Variants in TESK2 observed in about 807,000 individuals in gnomAD.
TESK2 encodes the protein testis associated actin remodelling kinase 2, also known as dual specificity testis-specific protein kinase 2.
Under a neutral mutation model 57.1 loss-of-function variants are expected in TESK2, and 39 were observed. The ratio of observed to expected loss-of-function variants is 0.68; its 90% CI spans 0.53 to 0.89. The LOEUF (loss-of-function observed/expected upper bound fraction) is 0.89. TESK2 is among the 40% of genes least tolerant of loss of function. TESK2 has a pLI of 0.00. For missense variants in TESK2, 646 were observed against 732.1 expected (o/e 0.88, Z 1.36); for synonymous variants, 249 against 267.9 (o/e 0.93, Z 0.69).
chr1:45,403,233 GAA>G (rs11424640), intron 3 of TESK2, among the ~76,000 whole-genome samples: 9 of 128,100 alleles, frequency 7.0e-5, no homozygotes, highest in Admixed American at 8.3e-5. Context: ...GCCGTGATGG[GAA>G]AAAAAAAAAA....
chr1:45,455,044 T>C (rs1184258627), intron 2 of TESK2, among the ~76,000 whole-genome samples: 4 of 152,090 alleles, frequency 2.6e-5, no homozygotes, highest in Non-Finnish European at 4.4e-5. Context: ...GACAGAAATA[T>C]AGTTATAATT....
At chr1:45,460,767 A>G (rs1303565355) in intron 1 of TESK2, among the ~76,000 whole-genome samples, 1 of 152,132 alleles carries the variant, frequency 6.6e-6, no homozygotes, top group Non-Finnish European at 1.5e-5. Context: ...TCACTAAAAA[A>G]ATAATAATAA....
chr1:45,434,486 C>A (rs1232392655), intron 2 of TESK2, among the ~76,000 whole-genome samples: 1 of 146,688 alleles, frequency 6.8e-6, no homozygotes, highest in Non-Finnish European at 1.5e-5. Context: ...GAGATGGGGT[C>A]TTTTTGTCTT....
At chr1:45,397,034 G>T (rs574869043) in intron 3 of TESK2, among the ~76,000 whole-genome samples, 40 of 151,554 alleles carry the variant, frequency 2.6e-4, no homozygotes, top group Admixed American at 4.0e-4. Flanking sequence ...GGCCAGGCGG[G>T]TCTCAAACTC....
At position 45,360,998 on chromosome 1, in the gene TESK2, A is replaced by G. The variant is rs888038841; in HGVS notation, c.394-5549T>C. On this transcript the variant is annotated intron_variant, in intron 4 of 10. Coordinates refer to ENST00000372086, the MANE Select transcript of TESK2 (RefSeq NM_007170.3). ...CACCCAGCTAATTTTTGTATTTTTT[A>G]GTAGAGACAGGGTTTTCCCATGTTG... 2.0e-5 allele frequency among the ~76,000 whole-genome samples: 3 copies of G among 152,106 alleles called. No homozygotes were observed. In the South Asian group the frequency reaches 6.2e-4, roughly 32 times the overall value.
chr1:45,417,198 G>T (rs1240218515), intron 3 of TESK2, among the ~76,000 whole-genome samples: 1 of 151,986 alleles, frequency 6.6e-6, no homozygotes, highest in Non-Finnish European at 1.5e-5. Context: ...CATCCTCCAG[G>T]TTCATCCAAG....
In TESK2 at chr1:45,359,736, C is replaced by T. The variant is rs139714753; in HGVS notation, c.394-4287G>A. On this transcript the variant is annotated intron_variant, in intron 4 of 10. Coordinates refer to ENST00000372086, the MANE Select transcript of TESK2 (RefSeq NM_007170.3). The stretch of plus-strand genomic sequence containing the variant: ...AAAATAAGCAGGGCATGGTGGCAGA[C>T]GACTGTGATCCCAGCTACTTGGGAG... 8.4e-4 allele frequency among the ~76,000 whole-genome samples: 126 copies of T among 150,890 alleles called. 1 individual carries two copies. In the East Asian group the frequency reaches 0.012, roughly 14 times the overall value.
At chr1:45,410,669 T>C (rs1650004344) in intron 3 of TESK2, among the ~76,000 whole-genome samples, 2 of 152,246 alleles carry the variant, frequency 1.3e-5, no homozygotes, top group South Asian at 2.1e-4. Context: ...CACATCCACA[T>C]TCACTCACCC....
In TESK2 at chr1:45,346,692, C is replaced by A. The variant is rs200294172; in HGVS notation, c.879+1G>T. 1.2e-6 allele frequency: 2 copies of A among 1,612,452 alleles called. No individual in the cohort carries two copies. The highest frequency in any genetic ancestry group is 1.7e-6 in the Non-Finnish European group (2 of 1,179,244). On this transcript the variant is annotated splice_donor_variant, in intron 9 of 10. Transcript: ENST00000372086. LOFTEE classifies it high-confidence loss of function. The stretch of plus-strand genomic sequence containing the variant: ...AAAGGCAGAGGGAGAAAGACACTCA[C>A]GTTACAGCAGTTGAAAGTAAGTTGC...
At chr1:45,431,704 G>A (rs944364934) in intron 2 of TESK2, among the ~76,000 whole-genome samples, 3 of 152,168 alleles carry the variant, frequency 2.0e-5, no homozygotes, top group African/African-American at 4.8e-5. Context: ...AGGGGTCAGA[G>A]AAGGATTCCC....
chr1:45,407,681 C>A (rs912684397), intron 3 of TESK2, among the ~76,000 whole-genome samples: 2 of 152,140 alleles, frequency 1.3e-5, no homozygotes, highest in Non-Finnish European at 1.5e-5. Context: ...TGTTCTCTTG[C>A]CTGCAGCCAT....
At chr1:45,450,868 C>T (rs1231654140) in intron 2 of TESK2, among the ~76,000 whole-genome samples, 1 of 151,694 alleles carries the variant, frequency 6.6e-6, no homozygotes, top group Non-Finnish European at 1.5e-5. Flanking sequence ...TGTTGGTGTG[C>T]TGTTGCCTAG....
chr1:45,411,640 C>T (rs555719377), intron 3 of TESK2, among the ~76,000 whole-genome samples: 145 of 152,246 alleles, frequency 9.5e-4, no homozygotes, highest in African/African-American at 3.2e-3. Context: ...ACTCAGCGCA[C>T]AAGGACTTTT....
At chr1:45,373,043 A>AG (rs1429779961) in intron 4 of TESK2, among the ~76,000 whole-genome samples, 13 of 151,836 alleles carry the variant, frequency 8.6e-5, no homozygotes, top group African/African-American at 2.7e-4. Flanking sequence ...AAAAAAAAAA[A>AG]AAAAGAAAAG....
At chr1:45,397,131 ACT>A (rs1332071146) in intron 3 of TESK2, among the ~76,000 whole-genome samples, 1 of 152,004 alleles carries the variant, frequency 6.6e-6, no homozygotes, top group Non-Finnish European at 1.5e-5. Flanking sequence ...GTATCAGCTA[ACT>A]CTTAATGAGC....
intron 2 of TESK2, among the ~76,000 whole-genome samples, chr1:45,429,046 C>A (rs961720399): frequency 2.0e-5 from 3 of 151,960 alleles, no homozygotes; most frequent in Non-Finnish European, 4.4e-5. Context: ...TGGTCTCGAT[C>A]TCCTGACCTC....
intron 4 of TESK2, among the ~76,000 whole-genome samples, chr1:45,366,530 C>T (rs774820988): frequency 2.8e-4 from 42 of 152,048 alleles, no homozygotes; most frequent in Non-Finnish European, 2.1e-4. Flanking sequence ...CCCAGGAGTT[C>T]GAGCCCATTC....
Position 45,347,006 on chromosome 1 carries a change from G to A in TESK2, c.765C>T (p.Ala255=), listed in dbSNP as rs1043804864. 1.3e-5 allele frequency: 21 copies of A among 1,614,084 alleles called. No homozygotes were observed. The highest frequency in any genetic ancestry group is 5.3e-5 in the African/African-American group (4 of 74,926). Residue 255 remains alanine (A), a synonymous_variant, in exon 8 of 11, where the codon GCC becomes GCT. Coordinates refer to ENST00000372086, the MANE Select transcript of TESK2 (RefSeq NM_007170.3). ...CTGTGCGGGGAAGATAGTCCGGATC[G>A]GCCTGGATGCGGGCGATGATCTCGC... ...ILCEIIARIQ[A]DPDYLPRTEN...
chr1:45,431,002 A>G (rs1411689947), intron 2 of TESK2, among the ~76,000 whole-genome samples: 1 of 152,256 alleles, frequency 6.6e-6, no homozygotes, highest in Non-Finnish European at 1.5e-5. Flanking sequence ...CTGAAAAGTA[A>G]GCAGATTAAA....
Sources: gnomAD v4.1 joint callset for allele counts (sites outside exome capture counted in the v4.1 genomes callset) on GRCh38, gnomAD v4.1.1 for gene constraint, MANE v1.5 for transcripts, NCBI Gene and HGNC (gene_info 2026-07-23, HGNC 2026-07-21) for gene names.